Variants in IFT88 observed in about 807,000 individuals in gnomAD.
The protein encoded by IFT88 is intraflagellar transport 88.
IFT88 carries 74 observed loss-of-function variants against 119.5 expected under a neutral mutation model. That is an observed-to-expected ratio of 0.62 (90% CI 0.51 to 0.75). The LOEUF (loss-of-function observed/expected upper bound fraction) is 0.75. Ranked by LOEUF, IFT88 falls within the 30% of genes least tolerant of loss-of-function variation. The pLI, the probability that IFT88 is intolerant of heterozygous loss-of-function variation, is 0.00. For missense variants in IFT88, 961 were observed against 977.7 expected (o/e 0.98, Z 0.23); for synonymous variants, 279 against 316.7 (o/e 0.88, Z 1.26).
intron 22 of IFT88, chr13:20,663,217 C>T (rs1340164253): frequency 2.2e-6 from 3 of 1,363,134 alleles, no homozygotes; most frequent in East Asian, 3.8e-5. Context: ...TTACATTTGC[C>T]TTCTAAGTTC....
intron 1 of IFT88, among the ~76,000 whole-genome samples, chr13:20,572,010 C>G (rs1441433485): frequency 1.4e-5 from 2 of 147,688 alleles, no homozygotes; most frequent in Non-Finnish European, 3.0e-5. Flanking sequence ...TCAGCTTTCA[C>G]TCTTCTGTTT....
chr13:20,690,726 C>T lies in IFT88; in HGVS notation c.2264C>T (p.Ala755Val). The T allele has an allele frequency of 6.2e-7, 1 of 1,611,704 alleles. No individual in the cohort carries two copies. Among genetic ancestry groups the T allele is most frequent in the South Asian group, 1.1e-5 (1 of 90,986 alleles). ...TCAGATAGTGGCCAGAACTATAGTG[C>T]CAGTAGTAAAGGTGAACGACTAAGT... is the stretch of plus-strand genomic sequence containing the variant. ...ASGDSGQNYS[A>V]SSKGERLSAR... Residue 755 changes from alanine to valine, a missense_variant, in exon 25 of 26, where the codon GCC becomes GTC. Ala to Val is a moderately conservative substitution (Grantham distance 64). Coordinates refer to ENST00000351808, the MANE Select transcript of IFT88 (RefSeq NM_006531.5).
intron 13 of IFT88, chr13:20,607,881 C>T: frequency 1.4e-6 from 1 of 709,638 alleles, no homozygotes; most frequent in Non-Finnish European, 2.7e-6. Flanking sequence ...TCACCAGCAC[C>T]AATGTCCTGG....
chr13:20,662,987 T>C (rs190691232), intron 22 of IFT88, among the ~76,000 whole-genome samples: 1 of 152,360 alleles, frequency 6.6e-6, no homozygotes, highest in East Asian at 1.9e-4. Flanking sequence ...TTTGTATATA[T>C]TTGATGTCAA....
intron 2 of IFT88, among the ~76,000 whole-genome samples, chr13:20,574,854 A>G (rs2037068184): frequency 6.6e-6 from 1 of 152,142 alleles, no homozygotes; most frequent in South Asian, 2.1e-4. Context: ...AGGTGCATAT[A>G]TTTATGGGGA....
At chr13:20,608,772 A>C (rs752798582) in intron 13 of IFT88, among the ~76,000 whole-genome samples, 2 of 152,200 alleles carry the variant, frequency 1.3e-5, no homozygotes, top group African/African-American at 2.4e-5. Context: ...CAAAGGTTCC[A>C]AAGTGAAAAG....
chr13:20,595,021 G>T (rs967672663), intron 7 of IFT88, among the ~76,000 whole-genome samples: 2 of 126,124 alleles, frequency 1.6e-5, no homozygotes, highest in Non-Finnish European at 3.9e-5. Flanking sequence ...CAACATTACT[G>T]TTATTTTGAA....
At chr13:20,588,645 A>G (rs1593862618) in intron 3 of IFT88, among the ~76,000 whole-genome samples, 2 of 152,308 alleles carry the variant, frequency 1.3e-5, no homozygotes, top group Middle Eastern at 6.8e-3. Context: ...TTGTGTGGCC[A>G]ATGGCTGTCT....
At chr13:20,657,075 C>T (rs1408299854) in intron 22 of IFT88, among the ~76,000 whole-genome samples, 2 of 152,160 alleles carry the variant, frequency 1.3e-5, no homozygotes, top group Non-Finnish European at 2.9e-5. Context: ...CCAGGCTGTT[C>T]TCAAACTCCT....
intron 23 of IFT88, among the ~76,000 whole-genome samples, chr13:20,666,457 T>TCA (rs2054700347): frequency 6.6e-6 from 1 of 152,304 alleles, no homozygotes; most frequent in South Asian, 2.1e-4. Flanking sequence ...CCACTCTGGG[T>TCA]GGCCCATCCT....
chr13:20,652,181 T>C (rs1291698756), intron 20 of IFT88, among the ~76,000 whole-genome samples: 1 of 152,228 alleles, frequency 6.6e-6, no homozygotes, highest in Non-Finnish European at 1.5e-5. Context: ...TAAATGCCAC[T>C]GAATTGTACA....
intron 21 of IFT88, 76 bp downstream of exon 21, chr13:20,654,004 T>A: frequency 1.4e-6 from 1 of 738,388 alleles, no homozygotes; most frequent in Non-Finnish European, 2.3e-6. Flanking sequence ...ATAAATGTGA[T>A]CCAGTTGCAT....
Position 20,599,204 on chromosome 13 carries a change from A to G in IFT88, c.698-247A>G, listed in dbSNP as rs144075714. Among the ~76,000 whole-genome samples the G allele has an allele frequency of 1.5e-3, 234 of 152,200 alleles. 1 individual carries two copies. Among genetic ancestry groups the G allele is most frequent in the African/African-American group, 5.4e-3 (226 of 41,568 alleles). ...CCATGTTTTCTTAGAAGAACGCACA[A>G]TAATGTAAAGCACAATAATGTAAAT... On this transcript the variant is annotated intron_variant, in intron 10 of 25. Transcript: ENST00000351808.
Position 20,666,385 on chromosome 13 carries a change from G to C in IFT88, c.2175+2781G>C, listed in dbSNP as rs1037837353. Among the ~76,000 whole-genome samples, 5 of 152,250 alleles carry C rather than the reference G, an allele frequency of 3.3e-5. No homozygotes were observed. The South Asian group carries it at 8.3e-4, about 25-fold the overall frequency. On this transcript the variant is annotated intron_variant, in intron 23 of 25. Transcript: ENST00000351808. ...ATGCTGTGCAAGTTTGTAAGCACTT[G>C]CCCTCTGTTCATCTCATTGAGGACA...
At chr13:20,628,710 C>T (rs1434163464) in intron 15 of IFT88, among the ~76,000 whole-genome samples, 1 of 151,988 alleles carries the variant, frequency 6.6e-6, no homozygotes, top group African/African-American at 2.4e-5. Flanking sequence ...AGTTTAGAAA[C>T]GTATAATATG....
Position 20,601,847 on chromosome 13 carries a change from G to A in IFT88, c.955G>A (p.Gly319Arg). The A allele has an allele frequency of 6.2e-7, 1 of 1,613,136 alleles. No homozygotes were observed. Among genetic ancestry groups the A allele is most frequent in the Non-Finnish European group, 8.5e-7 (1 of 1,179,258 alleles). The change falls in exon 12 of 26, where the codon GGA becomes AGA. Residue 319 changes from glycine (G) to arginine (R), a missense_variant. Gly to Arg is a moderately radical substitution (Grantham distance 125, BLOSUM62 -2). Coordinates refer to ENST00000351808, the MANE Select transcript of IFT88 (RefSeq NM_006531.5). ...CCTAACTATCTGTTATTTTGCTATTGGAGACCGAGAAAAAATGAAGAAGGC... is the reference window on the plus strand; with the variant it reads ...CCTAACTATCTGTTATTTTGCTATTAGAGACCGAGAAAAAATGAAGAAGGC... ...YNLTICYFAIGDREKMKKAFQ... is the reference protein window; with the variant it reads ...YNLTICYFAIRDREKMKKAFQ...
At position 20,592,533 on chromosome 13, in the gene IFT88, G is replaced by A. The variant is rs892560081; in HGVS notation, c.398+129G>A. The A allele has an allele frequency of 1.7e-4, 105 of 612,958 alleles. No individual in the cohort carries two copies. The East Asian group carries it at 2.8e-3, about 17-fold the overall frequency. 38.0% of individuals were successfully genotyped at this position (612,958 alleles called of 1,614,324 possible). ...TGCCCAGGCTGGAGTGCAGTGATGC[G>A]ATCTTGGCTCACTGCAACCTTCATC... is the stretch of plus-strand genomic sequence containing the variant. On this transcript the variant is annotated intron_variant, in intron 7 of 25. Coordinates refer to ENST00000351808, the MANE Select transcript of IFT88 (RefSeq NM_006531.5).
In IFT88 at chr13:20,596,180, G is replaced by A; in HGVS notation, c.429G>A (p.Lys143=). 6.4e-7 allele frequency: 1 copy of A among 1,551,718 alleles called. No individual in the cohort carries two copies. The highest frequency in any genetic ancestry group is 8.8e-7 in the Non-Finnish European group (1 of 1,141,444). The part of the protein sequence containing the change: ...SPEEKIKQLE[K]EVNELVEESC... ...AGGAAAAAATAAAGCAATTAGAGAA[G>A]GAAGTAAATGAGTTGGTAGAAGAAA... The change falls in exon 8 of 26, where the codon AAG becomes AAA. Residue 143 remains lysine (K), a synonymous_variant. Transcript: ENST00000351808.
intron 2 of IFT88, among the ~76,000 whole-genome samples, chr13:20,581,176 T>C (rs959004196): frequency 6.6e-6 from 1 of 152,194 alleles, no homozygotes; most frequent in African/African-American, 2.4e-5. Flanking sequence ...GGCTTATGCT[T>C]GGTTTTCTTT....
Sources: gnomAD v4.1 joint callset for allele counts (sites outside exome capture counted in the v4.1 genomes callset) on GRCh38, gnomAD v4.1.1 for gene constraint, MANE v1.5 for transcripts, NCBI Gene and HGNC (gene_info 2026-07-23, HGNC 2026-07-21) for gene names.